Variants in ZBBX observed in about 807,000 individuals in gnomAD.
ZBBX encodes zinc finger B-box domain-containing protein 1.
Under a neutral mutation model 108.5 loss-of-function variants are expected in ZBBX, and 101 were observed. The observed-to-expected ratio is 0.93, with a 90% confidence interval of 0.79 to 1.10. The LOEUF (loss-of-function observed/expected upper bound fraction) is 1.10. ZBBX is among the 50% of genes least tolerant of loss of function. ZBBX has a pLI of 0.00. For synonymous variants in ZBBX, 356 were observed against 323.4 expected (o/e 1.10, Z -1.08); for missense variants, 1,009 against 941.4 (o/e 1.07, Z -0.94).
At chr3:167,347,767 G>A (rs1741736508) in intron 9 of ZBBX, among the ~76,000 whole-genome samples, 1 of 151,896 alleles carries the variant, frequency 6.6e-6, no homozygotes, top group Non-Finnish European at 1.5e-5. Context: ...TTCCCTAGTA[G>A]ACAATACACT....
chr3:167,199,707 C>T, the ZBBX span, among the ~76,000 whole-genome samples: 2 of 152,252 alleles, frequency 1.3e-5, no homozygotes, highest in Admixed American at 6.5e-5. Flanking sequence ...ATACATTCTA[C>T]GGCCATTAGA....
intron 17 of ZBBX, among the ~76,000 whole-genome samples, chr3:167,304,340 C>G (rs1250495599): frequency 1.3e-5 from 2 of 152,120 alleles, no homozygotes; most frequent in African/African-American, 4.8e-5. Flanking sequence ...ATAGATGTCA[C>G]CTGGTACTCT....
intron 20 of ZBBX, among the ~76,000 whole-genome samples, chr3:167,245,282 G>A (rs1033189885): frequency 6.6e-6 from 1 of 152,134 alleles, no homozygotes; most frequent in Non-Finnish European, 1.5e-5. Flanking sequence ...GCATGGTAGC[G>A]GACCCGGGAG....
chr3:167,234,172 C>A, the ZBBX span, among the ~76,000 whole-genome samples: 4 of 151,910 alleles, frequency 2.6e-5, no homozygotes, highest in African/African-American at 7.2e-5. Flanking sequence ...ATCTCTGAGA[C>A]CATCTGTAAT....
intron 11 of ZBBX, among the ~76,000 whole-genome samples, chr3:167,326,839 C>T (rs1737476342): frequency 6.6e-6 from 1 of 151,656 alleles, no homozygotes; most frequent in Non-Finnish European, 1.5e-5. Context: ...ATTGTTGATA[C>T]TTTGAGATTA....
At chr3:167,260,521 A>G (rs1724299894) in intron 20 of ZBBX, among the ~76,000 whole-genome samples, 1 of 152,060 alleles carries the variant, frequency 6.6e-6, no homozygotes, top group Admixed American at 6.6e-5. Flanking sequence ...GGCTTTGTTC[A>G]TATTTTCTTA....
At chr3:167,251,123 T>C (rs1722517460) in intron 20 of ZBBX, among the ~76,000 whole-genome samples, 1 of 152,096 alleles carries the variant, frequency 6.6e-6, no homozygotes, top group African/African-American at 2.4e-5. Context: ...CCAGAGCAGT[T>C]GGAGGAGAGC....
intron 18 of ZBBX, among the ~76,000 whole-genome samples, chr3:167,296,221 C>T (rs1731666626): frequency 6.6e-6 from 1 of 151,880 alleles, no homozygotes; most frequent in African/African-American, 2.4e-5. Flanking sequence ...ATAAGAACAA[C>T]CAACAAACTA....
At chr3:167,354,655 A>T (rs2108513216) in intron 8 of ZBBX, among the ~76,000 whole-genome samples, 1 of 152,062 alleles carries the variant, frequency 6.6e-6, no homozygotes, top group East Asian at 1.9e-4. Flanking sequence ...ATACATGGTT[A>T]TATCATTATA....
At chr3:167,313,644 T>C (rs1734969107) in intron 16 of ZBBX, among the ~76,000 whole-genome samples, 1 of 152,108 alleles carries the variant, frequency 6.6e-6, no homozygotes, top group African/African-American at 2.4e-5. Flanking sequence ...TGAATATTTT[T>C]GAAAAATATT....
chr3:167,276,356 G>T (rs1444948441), intron 20 of ZBBX, among the ~76,000 whole-genome samples: 1 of 151,420 alleles, frequency 6.6e-6, no homozygotes, highest in Non-Finnish European at 1.5e-5. Context: ...AAATTTAGAA[G>T]AATGTATAAC....
At chr3:167,389,037 T>C (rs1005095019) in intron 1 of ZBBX, among the ~76,000 whole-genome samples, 3 of 152,088 alleles carry the variant, frequency 2.0e-5, no homozygotes, top group African/African-American at 7.2e-5. Context: ...GGTATACATG[T>C]ACCATGGTAG....
intron 20 of ZBBX, among the ~76,000 whole-genome samples, chr3:167,260,917 T>A (rs6777098): frequency 0.71 from 108,386 of 152,056 alleles, 38,894 homozygotes; most frequent in East Asian, 0.84. Flanking sequence ...TTTTCTCATA[T>A]TACCAGGGAA....
chr3:167,344,517 G>C (rs1383067091), intron 9 of ZBBX, among the ~76,000 whole-genome samples: 1 of 151,736 alleles, frequency 6.6e-6, no homozygotes, highest in African/African-American at 2.4e-5. Flanking sequence ...GAGTCTGCCT[G>C]TGTTAACTAA....
At chr3:167,191,896 C>CATATATATATATATATATAT in the ZBBX span, among the ~76,000 whole-genome samples, 52 of 67,936 alleles carry the variant, frequency 7.7e-4, 3 homozygotes, top group Admixed American at 9.7e-4. Flanking sequence ...TTACAAAAAT[C>CATATATATATATATATATAT]ATATATATAT....
At chr3:167,386,512 T>C (rs968164206) in intron 1 of ZBBX, among the ~76,000 whole-genome samples, 4 of 152,074 alleles carry the variant, frequency 2.6e-5, no homozygotes, top group Non-Finnish European at 4.4e-5. Flanking sequence ...TATTCTTGCA[T>C]AGGCATATAT....
At chr3:167,403,571 T>C (rs1284410054) in intron 1 of ZBBX, among the ~76,000 whole-genome samples, 1 of 152,126 alleles carries the variant, frequency 6.6e-6, no homozygotes, top group African/African-American at 2.4e-5. Flanking sequence ...GACACTTCAC[T>C]ATTTAAAATG....
intron 18 of ZBBX, among the ~76,000 whole-genome samples, chr3:167,290,831 A>G (rs1730552346): frequency 6.6e-6 from 1 of 152,280 alleles, no homozygotes; most frequent in East Asian, 1.9e-4. Context: ...TCAAATTGCT[A>G]ACTGGAATAA....
intron 18 of ZBBX, among the ~76,000 whole-genome samples, chr3:167,292,804 C>A (rs1301998041): frequency 6.6e-6 from 1 of 151,886 alleles, no homozygotes; most frequent in Non-Finnish European, 1.5e-5. Context: ...AGACCACTAG[C>A]CAAACTAATA....
Sources: allele counts gnomAD v4.1 joint callset (sites outside exome capture counted in the v4.1 genomes callset), GRCh38; gene constraint gnomAD v4.1.1; transcripts MANE v1.5; gene names NCBI Gene and HGNC (gene_info 2026-07-23, HGNC 2026-07-21).